CNTN5: variants seen among roughly 807,000 people sequenced by gnomAD.
CNTN5 encodes contactin-5.
Under a neutral mutation model 129.1 loss-of-function variants are expected in CNTN5, and 77 were observed. The observed-to-expected ratio is 0.60, with a 90% CI of 0.50 to 0.72. The LOEUF (loss-of-function observed/expected upper bound fraction) is 0.72, where lower values mean the gene tolerates loss of function less well. Ranked by LOEUF, CNTN5 falls within the 30% of genes least tolerant of loss-of-function variation. The pLI is 0.00. For synonymous variants in CNTN5, 509 were observed against 465.6 expected (o/e 1.09, Z -1.20); for missense variants, 1,478 against 1,328.8 (o/e 1.11, Z -1.75).
chr11:99,797,177 C>A (rs143228891), intron 3 of CNTN5, among the ~76,000 whole-genome samples: 12 of 152,108 alleles, frequency 7.9e-5, no homozygotes, highest in Admixed American at 5.9e-4. Flanking sequence ...GTTGATTCCA[C>A]GCCTTTGCTA....
At chr11:99,293,256 A>G (rs1167814627) in intron 1 of CNTN5, among the ~76,000 whole-genome samples, 4 of 152,142 alleles carry the variant, frequency 2.6e-5, no homozygotes, top group African/African-American at 7.2e-5. Flanking sequence ...TGTAAAACCT[A>G]TCTTGCATCC....
intron 8 of CNTN5, among the ~76,000 whole-genome samples, chr11:99,997,916 C>G (rs899601452): frequency 2.0e-5 from 3 of 152,150 alleles, no homozygotes; most frequent in African/African-American, 2.4e-5. Flanking sequence ...ACATGATTAT[C>G]TCAATAGATA....
At chr11:99,882,715 A>T (rs376930896) in intron 6 of CNTN5, among the ~76,000 whole-genome samples, 5 of 152,238 alleles carry the variant, frequency 3.3e-5, no homozygotes, top group African/African-American at 1.2e-4. Context: ...AAAACAATCC[A>T]ATTATATATT....
At chr11:100,289,141 C>T (rs867308610) in intron 18 of CNTN5, among the ~76,000 whole-genome samples, 22 of 151,594 alleles carry the variant, frequency 1.5e-4, no homozygotes, top group African/African-American at 5.3e-4. Flanking sequence ...AAAAAGAGTC[C>T]AGGACCAGAT....
At chr11:99,638,621 C>A (rs372741337) in intron 3 of CNTN5, among the ~76,000 whole-genome samples, 2 of 152,144 alleles carry the variant, frequency 1.3e-5, no homozygotes, top group African/African-American at 4.8e-5. Context: ...CCATTCCCAA[C>A]GGGAGAAATC....
At chr11:100,152,362 T>G (rs1368849528) in intron 13 of CNTN5, among the ~76,000 whole-genome samples, 1 of 152,272 alleles carries the variant, frequency 6.6e-6, no homozygotes, top group African/African-American at 2.4e-5. Context: ...GACCTGGAAC[T>G]CTGGTCCCCT....
intron 3 of CNTN5, among the ~76,000 whole-genome samples, chr11:99,612,702 C>T (rs944796674): frequency 5.3e-5 from 8 of 152,208 alleles, no homozygotes; most frequent in Non-Finnish European, 1.0e-4. Flanking sequence ...ATCTTTTTAA[C>T]TTCACTTTAT....
At chr11:99,695,133 A>G (rs557413704) in intron 3 of CNTN5, among the ~76,000 whole-genome samples, 1 of 152,072 alleles carries the variant, frequency 6.6e-6, no homozygotes, top group Non-Finnish European at 1.5e-5. Flanking sequence ...ATTAGGTAGA[A>G]GGGTAATAGA....
chr11:100,198,514 G>C (rs758784379), intron 15 of CNTN5, among the ~76,000 whole-genome samples: 6 of 151,880 alleles, frequency 4.0e-5, no homozygotes, highest in Non-Finnish European at 8.8e-5. Flanking sequence ...AGACCTCAGT[G>C]AGTAGCATTA....
chr11:99,611,062 A>T (rs1379810855), intron 3 of CNTN5, among the ~76,000 whole-genome samples: 1 of 152,190 alleles, frequency 6.6e-6, no homozygotes, highest in Non-Finnish European at 1.5e-5. Context: ...AAAGGTCTCC[A>T]TTCACTTTTT....
At chr11:99,176,285 G>A (rs10892846) in intron 1 of CNTN5, among the ~76,000 whole-genome samples, 50,810 of 151,572 alleles carry the variant, frequency 0.34, 8,609 homozygotes, top group East Asian at 0.35. Context: ...GACTTTCAGT[G>A]CTTAGTCATT....
At chr11:100,199,928 C>T (rs752087862) in intron 15 of CNTN5, among the ~76,000 whole-genome samples, 6 of 151,920 alleles carry the variant, frequency 3.9e-5, no homozygotes, top group Non-Finnish European at 8.8e-5. Flanking sequence ...AAAAACAAAA[C>T]CTGATATAAA....
intron 6 of CNTN5, among the ~76,000 whole-genome samples, chr11:99,889,770 C>T (rs536630021): frequency 3.3e-5 from 5 of 152,240 alleles, no homozygotes; most frequent in Non-Finnish European, 5.9e-5. Flanking sequence ...TGGTCTCGAT[C>T]TCCTGACCTC....
At chr11:99,439,975 C>T (rs924502816) in intron 2 of CNTN5, among the ~76,000 whole-genome samples, 1 of 151,868 alleles carries the variant, frequency 6.6e-6, no homozygotes, top group Non-Finnish European at 1.5e-5. Flanking sequence ...ATGGATCATT[C>T]GAATAAATCA....
chr11:99,344,119 G>GT (rs1453833784), intron 2 of CNTN5, among the ~76,000 whole-genome samples: 1 of 152,170 alleles, frequency 6.6e-6, no homozygotes, highest in African/African-American at 2.4e-5. Flanking sequence ...TTCAAAGTGC[G>GT]TAAGTTTTCG....
intron 3 of CNTN5, among the ~76,000 whole-genome samples, chr11:99,663,045 GA>G (rs1952653419): frequency 6.6e-6 from 1 of 152,192 alleles, no homozygotes; most frequent in African/African-American, 2.4e-5. Flanking sequence ...TAGTTCACAT[GA>G]GTAGTACTTT....
At chr11:99,773,198 A>T (rs1945003698) in intron 3 of CNTN5, among the ~76,000 whole-genome samples, 1 of 152,130 alleles carries the variant, frequency 6.6e-6, no homozygotes, top group Non-Finnish European at 1.5e-5. Context: ...AGTAGAGCAT[A>T]GATTGCAATA....
chr11:99,793,809 AT>A (rs1009039933), intron 3 of CNTN5, among the ~76,000 whole-genome samples: 10 of 152,158 alleles, frequency 6.6e-5, no homozygotes, highest in African/African-American at 1.4e-4. Context: ...TTATAAAAAA[AT>A]AATTTAGGAT....
intron 8 of CNTN5, among the ~76,000 whole-genome samples, chr11:99,977,163 A>T (rs903761384): frequency 2.0e-5 from 3 of 152,176 alleles, no homozygotes; most frequent in African/African-American, 7.2e-5. Flanking sequence ...ATATAGCATG[A>T]GTTACCTTTG....
Sources: allele counts gnomAD v4.1 joint callset (sites outside exome capture counted in the v4.1 genomes callset), GRCh38; gene constraint gnomAD v4.1.1; transcripts MANE v1.5; gene names NCBI Gene and HGNC (gene_info 2026-07-23, HGNC 2026-07-21).